The following KIF7 variants were observed in gnomAD, a reference collection of about 807,000 sequenced individuals.
KIF7 encodes kinesin-like protein KIF7.
A neutral mutation model predicts 135.7 loss-of-function variants in KIF7; 104 were observed. The observed-to-expected ratio is 0.77, with a 90% CI of 0.65 to 0.90. The LOEUF is 0.90. Ranked by LOEUF, KIF7 falls within the 40% of genes least tolerant of loss-of-function variation. KIF7 has a pLI of 0.00. For missense variants in KIF7, 2,005 were observed against 1,839.1 expected, an observed-to-expected ratio of 1.09 and a Z score of -1.65; for synonymous variants, 883 against 809.4, an observed-to-expected ratio of 1.09 and a Z score of -1.54.
At chr15:89,626,093 C>A, downstream of KIF7, 1 of 1,603,804 alleles carries the variant, frequency 6.2e-7, no homozygotes, top group Admixed American at 1.7e-5. Flanking sequence ...GGACCCTTTC[C>A]TGTGACAGAC....
upstream of KIF7, among the ~76,000 whole-genome samples, chr15:89,659,550 AAAGAG>A (rs1404445382): frequency 6.6e-5 from 10 of 152,286 alleles, no homozygotes; most frequent in East Asian, 1.3e-3. Flanking sequence ...GGAAGAAAGA[AAAGAG>A]AAGAGAAAGG....
intron 1 of KIF7, chr15:89,621,616 CT>C: frequency 5.1e-6 from 7 of 1,383,388 alleles, no homozygotes; most frequent in Non-Finnish European, 6.9e-6. Context: ...GGCCAAGGAA[CT>C]CAGAGTCCAT....
chr15:89,623,174 C>A (rs1963453758), downstream of KIF7, among the ~76,000 whole-genome samples: 1 of 152,176 alleles, frequency 6.6e-6, no homozygotes, highest in East Asian at 1.9e-4. Context: ...TTCCATGCCC[C>A]CAACACACAG....
downstream of KIF7, chr15:89,627,657 G>C (rs1293674779): frequency 1.3e-5 from 2 of 153,580 alleles, no homozygotes; most frequent in Non-Finnish European, 2.9e-5. Flanking sequence ...CCATGGTCCA[G>C]CTTGAGTGGC....
At chr15:89,641,913 G>A (rs956096943) in intron 11 of KIF7, among the ~76,000 whole-genome samples, 7 of 152,110 alleles carry the variant, frequency 4.6e-5, no homozygotes, top group South Asian at 4.2e-4. Context: ...AAGGGGGACC[G>A]GGAGACAGAG....
intron 13 of KIF7, 63 bp downstream of exon 13, chr15:89,633,078 G>A (rs900671962): frequency 6.2e-7 from 1 of 1,600,318 alleles, no homozygotes; most frequent in East Asian, 2.2e-5. Context: ...TCACTGGGGA[G>A]AAAGGTGCAC....
chr15:89,618,507 C>A (rs1039343825), intron 1 of KIF7, among the ~76,000 whole-genome samples: 1 of 152,214 alleles, frequency 6.6e-6, no homozygotes, highest in African/African-American at 2.4e-5. Context: ...TTTGTTGGAG[C>A]TTTTCACTAC....
chr15:89,623,805 T>C, downstream of KIF7: 1 of 1,613,864 alleles, frequency 6.2e-7, no homozygotes, highest in South Asian at 1.1e-5. Context: ...CACCCGGCCA[T>C]GACTCACCAT....
chr15:89,640,934 C>A (rs540918708), intron 11 of KIF7, among the ~76,000 whole-genome samples: 2 of 151,874 alleles, frequency 1.3e-5, no homozygotes, highest in Non-Finnish European at 2.9e-5. Context: ...ACCCAGGAGG[C>A]GGAGGTTGCA....
Position 89,633,742 on chromosome 15 carries a change from T to C in KIF7, c.2536A>G (p.Thr846Ala), listed in dbSNP as rs1240669714. The change falls in exon 12 of 19, where the codon ACG (threonine) becomes GCG (alanine). Residue 846 changes from threonine (T) to alanine (A), a missense_variant. Transcript: ENST00000394412. ...GQLQRRLREE[T>A]EQKRRLEAEM... Reference sequence around the variant, plus strand: ...GCCTCCAGGCGCCGCTTCTGCTCCGTCTCCTCGCGAAGCCGCCTCTGCAGC... The same window carrying C: ...GCCTCCAGGCGCCGCTTCTGCTCCGCCTCCTCGCGAAGCCGCCTCTGCAGC... The C allele has an allele frequency of 2.5e-6, 4 of 1,609,376 alleles. No homozygotes were observed. Among genetic ancestry groups the C allele is most frequent in the Non-Finnish European group, 2.5e-6 (3 of 1,179,874 alleles).
At chr15:89,627,215 G>A (rs999156024), downstream of KIF7, 57 of 1,149,502 alleles carry the variant, frequency 5.0e-5, no homozygotes, top group Admixed American at 1.3e-3. Context: ...GAATGCCTTA[G>A]GGTTTTCTAA....
chr15:89,623,997 A>C (rs1438339906), downstream of KIF7: 2 of 1,613,858 alleles, frequency 1.2e-6, no homozygotes, highest in Admixed American at 3.3e-5. Context: ...CAGCCCCTCC[A>C]ACTTCATCGA....
downstream of KIF7, chr15:89,625,762 G>A: frequency 6.2e-7 from 1 of 1,607,956 alleles, no homozygotes; most frequent in Non-Finnish European, 8.5e-7. Context: ...ACCCTCCACG[G>A]GAGACGAAGA....
chr15:89,619,573 C>A, intron 1 of KIF7: 1 of 885,186 alleles, frequency 1.1e-6, no homozygotes, highest in Non-Finnish European at 1.7e-6. Context: ...CTTCAGAAGT[C>A]TCTTAAAGCT....
chr15:89,653,148 C>A (rs896570273), intron 1 of KIF7, among the ~76,000 whole-genome samples, 194 bp from the exon 2 acceptor site: 4 of 152,224 alleles, frequency 2.6e-5, no homozygotes, highest in African/African-American at 9.6e-5. Flanking sequence ...TATAGTCCCC[C>A]ACAGGAACAT....
At chr15:89,642,492 T>G in intron 10 of KIF7, 87 bp from the exon 11 acceptor site, 1 of 1,159,392 alleles carries the variant, frequency 8.6e-7, no homozygotes, top group African/African-American at 1.5e-5. Context: ...TTCCCAGCCC[T>G]TGGACACCTG....
intron 17 of KIF7, 58 bp downstream of exon 17, chr15:89,629,317 A>C: frequency 1.8e-6 from 1 of 561,530 alleles, no homozygotes; most frequent in Non-Finnish European, 2.2e-6. Context: ...GGCGGGGAAG[A>C]TGGGGGTGGG....
At position 89,642,205 on chromosome 15, in the gene KIF7, G is replaced by A; in HGVS notation, c.2392C>T (p.Gln798Ter). 1 of 1,610,128 alleles carries A rather than the reference G, an allele frequency of 6.2e-7. No homozygotes were observed. The highest frequency in any genetic ancestry group is 8.5e-7 in the Non-Finnish European group (1 of 1,179,524). The stretch of plus-strand genomic sequence containing the variant: ...CACCCTGAGGCCCCGAGACTAACCT[G>A]CACCTGGCTCTGGGCCGCAGCGACC... ...RRVAAAQSQVQVLKEKKQATE... is the reference protein window; with the variant it reads ...RRVAAAQSQV The change falls in exon 11 of 19, where the codon CAG (glutamine) becomes TAG (stop). Residue 798 changes from glutamine (Q) to a stop codon, truncating the protein, a stop_gained and splice_region_variant. Transcript: ENST00000394412. LOFTEE classifies it high-confidence loss of function.
intron 2 of KIF7, among the ~76,000 whole-genome samples, chr15:89,617,344 A>G (rs1329988444): frequency 1.3e-5 from 2 of 152,200 alleles, no homozygotes; most frequent in African/African-American, 4.8e-5. Context: ...AATTTTTTAT[A>G]ACATCCTTGA....
Sources: gnomAD v4.1 joint callset for allele counts (sites outside exome capture counted in the v4.1 genomes callset) on GRCh38, gnomAD v4.1.1 for gene constraint, MANE v1.5 for transcripts, NCBI Gene and HGNC (gene_info 2026-07-23, HGNC 2026-07-21) for gene names.